RBFOX2: variants seen among roughly 807,000 people sequenced by gnomAD.
The protein encoded by RBFOX2 is RNA binding fox-1 homolog 2, also known as RNA binding protein fox-1 homolog 2.
In RBFOX2, 10 loss-of-function variants were observed where a neutral mutation model predicts 49.1. The observed-to-expected ratio is 0.20, with a 90% CI of 0.13 to 0.35. The LOEUF is 0.35. Ranked by LOEUF, RBFOX2 falls within the 10% of genes least tolerant of loss-of-function variation. The pLI is 1.00. For synonymous variants in RBFOX2, 183 were observed against 187.4 expected (o/e 0.98, Z 0.19); for missense variants, 323 against 486.9 (o/e 0.66, Z 3.17).
chr22:35,891,090 A>G (rs1174130171), intron 1 of RBFOX2, among the ~76,000 whole-genome samples: 1 of 152,196 alleles, frequency 6.6e-6, no homozygotes, highest in African/African-American at 2.4e-5. Flanking sequence ...AATAGCATTC[A>G]AAAATCATTA....
At chr22:35,871,188 G>C (rs2044312802) in intron 1 of RBFOX2, among the ~76,000 whole-genome samples, 1 of 152,140 alleles carries the variant, frequency 6.6e-6, no homozygotes, top group African/African-American at 2.4e-5. Flanking sequence ...ACGCAACTTT[G>C]ACAGTGCATA....
intron 6 of RBFOX2, among the ~76,000 whole-genome samples, chr22:35,762,262 A>G (rs957010476): frequency 2.0e-5 from 3 of 152,098 alleles, no homozygotes; most frequent in Non-Finnish European, 4.4e-5. Context: ...TTTTATATTT[A>G]TAGGAATATG....
intron 1 of RBFOX2, among the ~76,000 whole-genome samples, chr22:35,850,008 C>T (rs1391324714): frequency 4.6e-5 from 7 of 152,030 alleles, no homozygotes; most frequent in Non-Finnish European, 1.0e-4. Flanking sequence ...CACACAAACA[C>T]GGTAGGAAGT....
chr22:35,884,377 C>T (rs1361559635), intron 1 of RBFOX2, among the ~76,000 whole-genome samples: 1 of 152,152 alleles, frequency 6.6e-6, no homozygotes, highest in East Asian at 1.9e-4. Context: ...TTATGTGGAT[C>T]AGAAATCCAG....
chr22:35,895,321 T>G (rs1020971033), intron 1 of RBFOX2, among the ~76,000 whole-genome samples: 16 of 152,156 alleles, frequency 1.1e-4, no homozygotes, highest in African/African-American at 3.9e-4. Context: ...ATGAGTTCTT[T>G]AAACATGAAT....
Position 35,835,047 on chromosome 22 carries a change from T to C in RBFOX2, c.27+5145A>G, listed in dbSNP as rs112615587. Among the ~76,000 whole-genome samples, 903 of 152,144 alleles carry C rather than the reference T, an allele frequency of 5.9e-3. 4 individuals carry two copies. The highest frequency in any genetic ancestry group is 0.017 in the Middle Eastern group (5 of 294). On this transcript the variant is annotated intron_variant, in intron 1 of 11. Coordinates refer to ENST00000405409, the Ensembl canonical transcript of RBFOX2. ...AGCATTTCTCACTGCCTAGAAGAGG[T>C]TGAACACTGGAGCCCACTAAGAAAG...
intron 1 of RBFOX2, 38 bp downstream of exon 1, chr22:36,028,202 C>A (rs751161642): frequency 3.5e-5 from 51 of 1,452,418 alleles, no homozygotes; most frequent in Non-Finnish European, 3.8e-5. Flanking sequence ...CTCACGCCCA[C>A]CCCCGCAATA....
At chr22:35,779,906 T>C (rs1001331070) in intron 3 of RBFOX2, among the ~76,000 whole-genome samples, 3 of 152,220 alleles carry the variant, frequency 2.0e-5, no homozygotes, top group Non-Finnish European at 4.4e-5. Context: ...AGATCTGCAA[T>C]GGACACTATT....
chr22:35,812,544 C>T (rs923662284), intron 1 of RBFOX2, among the ~76,000 whole-genome samples: 3 of 152,068 alleles, frequency 2.0e-5, no homozygotes, highest in Admixed American at 6.6e-5. Context: ...CAGAAGCCCT[C>T]GCTGAATCTA....
chr22:35,755,941 A>G (rs1354555294), intron 9 of RBFOX2, among the ~76,000 whole-genome samples, 164 bp downstream of exon 11: 1 of 150,602 alleles, frequency 6.6e-6, no homozygotes, highest in Non-Finnish European at 1.5e-5. Context: ...GCATGCTTGC[A>G]TTCTTAAATA....
At chr22:35,940,671 A>G (rs2053601074), upstream of RBFOX2, among the ~76,000 whole-genome samples, 1 of 152,182 alleles carries the variant, frequency 6.6e-6, no homozygotes, top group Non-Finnish European at 1.5e-5. Context: ...TAATAACCAA[A>G]CAGCAGAAAA....
In RBFOX2 at chr22:35,971,053, G is replaced by A. The variant is rs1002990925; in HGVS notation, c.187-32156C>T. The stretch of plus-strand genomic sequence containing the variant: ...GGAGGGCACAAAAGAACAATTCATA[G>A]TGCCTGCAGCTGAGTGTCACCAAAA... On this transcript the variant is annotated intron_variant, in intron 1 of 13. Transcript: ENST00000438146. Among the ~76,000 whole-genome samples, 4 of 152,084 alleles carry A rather than the reference G, an allele frequency of 2.6e-5. No homozygotes were observed. In the East Asian group the frequency reaches 7.7e-4, roughly 29 times the overall value.
chr22:35,948,048 G>A (rs1449611831), intron 1 of RBFOX2, among the ~76,000 whole-genome samples: 2 of 152,100 alleles, frequency 1.3e-5, no homozygotes, highest in African/African-American at 2.4e-5. Context: ...CCCTATACCT[G>A]TGTATCATTT....
At chr22:35,949,884 C>T (rs377634463) in intron 1 of RBFOX2, among the ~76,000 whole-genome samples, 100 of 152,216 alleles carry the variant, frequency 6.6e-4, no homozygotes, top group African/African-American at 1.3e-3. Context: ...CTGTTAATAG[C>T]GTCCTTTGAT....
intron 2 of RBFOX2, among the ~76,000 whole-genome samples, chr22:35,807,980 G>A (rs544034598): frequency 3.4e-4 from 52 of 151,870 alleles, no homozygotes; most frequent in Non-Finnish European, 5.4e-4. Flanking sequence ...CAATTTATAT[G>A]AAGCAAATTG....
At chr22:35,825,065 C>CA (rs1320644793) in intron 1 of RBFOX2, among the ~76,000 whole-genome samples, 1 of 152,148 alleles carries the variant, frequency 6.6e-6, no homozygotes, top group Non-Finnish European at 1.5e-5. Context: ...ACTAAAAATA[C>CA]AAAAATTAGC....
At chr22:35,926,250 T>C (rs148931730) in intron 1 of RBFOX2, among the ~76,000 whole-genome samples, 105 of 152,320 alleles carry the variant, frequency 6.9e-4, no homozygotes, top group African/African-American at 2.4e-3. Flanking sequence ...AGACCATCGA[T>C]TGCTTGGTAG....
intron 1 of RBFOX2, among the ~76,000 whole-genome samples, chr22:36,017,599 T>C (rs1266599636): frequency 6.6e-6 from 1 of 152,108 alleles, no homozygotes; most frequent in Non-Finnish European, 1.5e-5. Context: ...AGAGAAAGGT[T>C]AAGGTCCCTA....
chr22:35,828,775 G>A (rs929106249), intron 1 of RBFOX2, among the ~76,000 whole-genome samples: 1 of 152,198 alleles, frequency 6.6e-6, no homozygotes, highest in African/African-American at 2.4e-5. Flanking sequence ...CCTGAGGTCG[G>A]GCGTGGTGGC....
Sources: allele counts gnomAD v4.1 joint callset (sites outside exome capture counted in the v4.1 genomes callset), GRCh38; gene constraint gnomAD v4.1.1; transcripts MANE v1.5; gene names NCBI Gene and HGNC (gene_info 2026-07-23, HGNC 2026-07-21).